Variants in PIGN observed in about 807,000 individuals in gnomAD.
PIGN encodes phosphatidylinositol glycan anchor biosynthesis class N, also known as GPI ethanolamine phosphate transferase 1.
Under a neutral mutation model 125.4 loss-of-function variants are expected in PIGN, and 117 were observed. That is an observed-to-expected ratio of 0.93 (90% CI 0.80 to 1.09). The LOEUF (loss-of-function observed/expected upper bound fraction) is 1.09, where lower values mean the gene tolerates loss of function less well. Ranked by LOEUF, PIGN falls within the 50% of genes least tolerant of loss-of-function variation. PIGN has a pLI of 0.00. For missense variants in PIGN, 1,075 were observed against 1,094.9 expected (o/e 0.98, Z 0.26); for synonymous variants, 392 against 377.8 (o/e 1.04, Z -0.44).
chr18:62,123,199 C>T (rs1273689225), intron 14 of PIGN, among the ~76,000 whole-genome samples: 1 of 152,040 alleles, frequency 6.6e-6, no homozygotes, highest in Non-Finnish European at 1.5e-5. Context: ...ATGACTGGGC[C>T]ACTATACTGC....
At chr18:62,160,271 A>C (rs17643361) in intron 4 of PIGN, among the ~76,000 whole-genome samples, 82,082 of 152,040 alleles carry the variant, frequency 0.54, 24,240 homozygotes, top group East Asian at 0.78. Flanking sequence ...AGTTGCCACT[A>C]ATCAGAAAAA....
chr18:62,159,089 C>T (rs1317685947), intron 4 of PIGN, among the ~76,000 whole-genome samples: 2 of 152,044 alleles, frequency 1.3e-5, no homozygotes, highest in South Asian at 2.1e-4. Flanking sequence ...ACCAAAGGTA[C>T]AAAAATTAGC....
chr18:62,084,672 T>TA, intron 26 of PIGN, 66 bp from the exon 27 acceptor site: 2 of 997,200 alleles, frequency 2.0e-6, no homozygotes, highest in South Asian at 2.9e-5. Flanking sequence ...AATATTCTTC[T>TA]AAAAAGATGT....
chr18:62,064,939 G>A (rs1323007915), intron 30 of PIGN, among the ~76,000 whole-genome samples: 2 of 151,504 alleles, frequency 1.3e-5, no homozygotes, highest in Non-Finnish European at 2.9e-5. Context: ...AAACTTCCCA[G>A]AATTTTCAAG....
chr18:62,031,079 CAT>C (rs2030188369), intron 23 of PIGN, among the ~76,000 whole-genome samples: 1 of 152,216 alleles, frequency 6.6e-6, no homozygotes, highest in African/African-American at 2.4e-5. Context: ...ATAATCCCCA[CAT>C]GTCAAGGGCA....
chr18:62,149,430 AAAC>A (rs1455244270), intron 7 of PIGN, among the ~76,000 whole-genome samples: 1 of 152,194 alleles, frequency 6.6e-6, no homozygotes, highest in African/African-American at 2.4e-5. Flanking sequence ...TGAGAGCTGA[AAAC>A]AAAAAAACTG....
chr18:62,064,174 G>T (rs998345435), intron 30 of PIGN, among the ~76,000 whole-genome samples: 5 of 152,208 alleles, frequency 3.3e-5, no homozygotes, highest in Non-Finnish European at 5.9e-5. Flanking sequence ...CTTAAGTGAA[G>T]CAGCCTCCCT....
chr18:62,107,049 C>T lies in PIGN; in HGVS notation c.1611G>A (p.Leu537=). 6.3e-7 allele frequency: 1 copy of T among 1,589,000 alleles called. No individual in the cohort carries two copies. Among genetic ancestry groups the T allele is most frequent in the African/African-American group, 1.3e-5 (1 of 74,364 alleles). ...QVIQDLVVSV[L]TYPLSHFVGY... is the part of the protein sequence containing the mutation. Reference sequence around the variant, plus strand: ...CAACAAAATGGCTCAGAGGATAGGTCAACACTGATACAACAAGGTCCTGAA... The same window carrying T: ...CAACAAAATGGCTCAGAGGATAGGTTAACACTGATACAACAAGGTCCTGAA... The change falls in exon 18 of 31, where the codon TTG becomes TTA. Residue 537 remains leucine (L), a synonymous_variant. Coordinates refer to ENST00000640252, the MANE Select transcript of PIGN (RefSeq NM_176787.5).
intron 30 of PIGN, among the ~76,000 whole-genome samples, chr18:62,059,954 G>A (rs562793906): frequency 1.1e-4 from 16 of 152,180 alleles, no homozygotes; most frequent in African/African-American, 2.7e-4. Context: ...AAACAAAAAC[G>A]GTTTGTAAAA....
intron 14 of PIGN, among the ~76,000 whole-genome samples, chr18:62,122,434 T>A (rs940167615): frequency 1.3e-5 from 2 of 152,174 alleles, no homozygotes; most frequent in African/African-American, 4.8e-5. Flanking sequence ...CAGAATCCAA[T>A]AGCAAATTTT....
chr18:62,055,008 C>T (rs890250057), intron 30 of PIGN, among the ~76,000 whole-genome samples: 2 of 152,072 alleles, frequency 1.3e-5, no homozygotes, highest in African/African-American at 4.8e-5. Context: ...CACTACACAC[C>T]CACTTGAATA....
chr18:62,148,021 C>T (rs1284214418), intron 8 of PIGN, among the ~76,000 whole-genome samples, 193 bp downstream of exon 8: 1 of 151,662 alleles, frequency 6.6e-6, no homozygotes, highest in Non-Finnish European at 1.5e-5. Flanking sequence ...TATTAATGTG[C>T]CATCTGGATA....
chr18:62,076,537 T>C (rs1201508046), intron 28 of PIGN, among the ~76,000 whole-genome samples: 1 of 152,146 alleles, frequency 6.6e-6, no homozygotes, highest in Non-Finnish European at 1.5e-5. Flanking sequence ...CTTTAATGGG[T>C]TACAATTTTG....
At chr18:62,066,056 A>G (rs2032501063) in intron 30 of PIGN, among the ~76,000 whole-genome samples, 1 of 152,210 alleles carries the variant, frequency 6.6e-6, no homozygotes, top group Non-Finnish European at 1.5e-5. Flanking sequence ...TTGGCAGCCT[A>G]ATACTCCCAC....
At chr18:62,108,608 T>C (rs79418715) in intron 17 of PIGN, among the ~76,000 whole-genome samples, 1 of 149,222 alleles carries the variant, frequency 6.7e-6, no homozygotes, top group Non-Finnish European at 1.5e-5. Context: ...TTTTTTTTTT[T>C]GAGACAGAGT....
At position 62,106,846 on chromosome 18, in the gene PIGN, A is replaced by C. The variant is rs1404943683; in HGVS notation, c.1710T>G (p.Ala570=). The C allele has an allele frequency of 6.2e-7, 1 of 1,609,496 alleles. No homozygotes were observed. The change falls in exon 19 of 31, where the codon GCT becomes GCG. Residue 570 remains alanine (A), a synonymous_variant. Coordinates refer to ENST00000640252, the MANE Select transcript of PIGN (RefSeq NM_176787.5). ...LSFFYRYMLT[A]GLTAFAAWPF... is the part of the protein sequence containing the mutation. ...GCCAAGCTGCAAAGGCAGTAAGTCC[A>C]GCGGTAAGCATATAGCGGTAGAAAA...
At chr18:62,100,405 C>A (rs759814612) in intron 22 of PIGN, among the ~76,000 whole-genome samples, 1 of 152,014 alleles carries the variant, frequency 6.6e-6, no homozygotes, top group Non-Finnish European at 1.5e-5. Flanking sequence ...GAGGGGTGGG[C>A]CCCCATGACC....
At chr18:62,152,782 A>T (rs1465499450) in intron 7 of PIGN, among the ~76,000 whole-genome samples, 1 of 152,172 alleles carries the variant, frequency 6.6e-6, no homozygotes, top group Non-Finnish European at 1.5e-5. Flanking sequence ...ATCGTAAGTT[A>T]AACCATTGTT....
At chr18:62,116,705 C>T (rs2035098926) in intron 14 of PIGN, among the ~76,000 whole-genome samples, 1 of 152,124 alleles carries the variant, frequency 6.6e-6, no homozygotes, top group African/African-American at 2.4e-5. Context: ...TTAATATCCA[C>T]AATAATACTT....
Sources: gnomAD v4.1 joint callset for allele counts (sites outside exome capture counted in the v4.1 genomes callset) on GRCh38, gnomAD v4.1.1 for gene constraint, MANE v1.5 for transcripts, NCBI Gene and HGNC (gene_info 2026-07-23, HGNC 2026-07-21) for gene names.